The following AKAP3 variants were observed in gnomAD, a reference collection of about 807,000 sequenced individuals.
The protein encoded by AKAP3 is A-kinase anchor protein 3.
In AKAP3, 27 loss-of-function variants were observed where a neutral mutation model predicts 57.2. That is an observed-to-expected ratio of 0.47 (90% confidence interval 0.35 to 0.65). The LOEUF (loss-of-function observed/expected upper bound fraction) is 0.65. Ranked by LOEUF, AKAP3 falls within the 30% of genes least tolerant of loss-of-function variation. The pLI is 0.01. For synonymous variants in AKAP3, 334 were observed against 392.3 expected, an observed-to-expected ratio of 0.85 and a Z score of 1.76; for missense variants, 959 against 1,040.0, an observed-to-expected ratio of 0.92 and a Z score of 1.07.
intron 3 of AKAP3, among the ~76,000 whole-genome samples, chr12:4,639,253 T>C (rs1945605427): frequency 6.6e-6 from 1 of 152,106 alleles, no homozygotes; most frequent in South Asian, 2.1e-4. Flanking sequence ...AACCTTCTCT[T>C]TGCCCTCTTT....
intron 3 of AKAP3, among the ~76,000 whole-genome samples, chr12:4,641,582 T>C (rs1352247373): frequency 6.6e-6 from 1 of 152,350 alleles, no homozygotes; most frequent in South Asian, 2.1e-4. Flanking sequence ...TTAAACTCTA[T>C]AATGTCCTCT....
chr12:4,633,455 G>A (rs10849110), intron 4 of AKAP3, among the ~76,000 whole-genome samples: 34,012 of 151,768 alleles, frequency 0.22, 4,590 homozygotes, highest in South Asian at 0.42. Flanking sequence ...TCTATCCACA[G>A]GGATTTTGCA....
intron 5 of AKAP3, among the ~76,000 whole-genome samples, chr12:4,619,960 G>C (rs1945326580): frequency 6.6e-6 from 1 of 152,202 alleles, no homozygotes; most frequent in Non-Finnish European, 1.5e-5. Flanking sequence ...TCAAGGAAAG[G>C]CAAATTTATA....
intron 2 of AKAP3, among the ~76,000 whole-genome samples, chr12:4,643,783 T>C (rs1193936424): frequency 6.6e-6 from 1 of 152,248 alleles, no homozygotes; most frequent in Admixed American, 6.5e-5. Context: ...CGTTATATCC[T>C]AGACCATAGC....
intron 4 of AKAP3, chr12:4,635,738 C>T (rs913405731): frequency 2.9e-5 from 21 of 719,278 alleles, no homozygotes; most frequent in Non-Finnish European, 5.2e-5. Flanking sequence ...TGGTGCTAGG[C>T]TACGGTATCA....
intron 2 of AKAP3, among the ~76,000 whole-genome samples, 188 bp downstream of exon 2, chr12:4,644,867 T>C (rs1213405490): frequency 2.6e-5 from 4 of 152,072 alleles, no homozygotes; most frequent in Non-Finnish European, 4.4e-5. Flanking sequence ...TGAGCCGAGA[T>C]TGCAGCACTG....
chr12:4,630,910 A>T (rs1565555083), intron 4 of AKAP3, among the ~76,000 whole-genome samples: 1 of 152,086 alleles, frequency 6.6e-6, no homozygotes, highest in Non-Finnish European at 1.5e-5. Flanking sequence ...TCTTTAACAG[A>T]TATTCATTTT....
In AKAP3 at chr12:4,628,422, G is replaced by A. The variant is rs1305762494; in HGVS notation, c.480C>T (p.Tyr160=). 2.5e-6 allele frequency: 4 copies of A among 1,613,956 alleles called. No individual in the cohort carries two copies. The highest frequency in any genetic ancestry group is 1.3e-5 in the African/African-American group (1 of 74,878). The change falls in exon 5 of 6, where the codon TAC becomes TAT. Residue 160 remains tyrosine (Y), a synonymous_variant. Transcript: ENST00000228850. ...SENKCVYQSL[Y]MGNEPTPTKS... is the part of the protein sequence containing the mutation. ...TGGTGGGTGTGGGTTCATTCCCCAT[G>A]TACAATGACTGATAGACACATTTGT...
intron 1 of AKAP3, among the ~76,000 whole-genome samples, chr12:4,646,845 C>T (rs1043776254): frequency 5.3e-5 from 8 of 151,912 alleles, no homozygotes; most frequent in African/African-American, 1.9e-4. Flanking sequence ...TACAGTGGCA[C>T]GATCTCGGCT....
rs898234026 is a variant in AKAP3 at position 4,615,831 on chromosome 12, C to A, written c.2470G>T (p.Val824Leu). The change falls in exon 6 of 6, where the codon GTG becomes TTG. Residue 824 changes from valine (V) to leucine (L), a missense_variant. Val to Leu is a conservative substitution (Grantham distance 32, BLOSUM62 1). Coordinates refer to ENST00000228850, the MANE Select transcript of AKAP3 (RefSeq NM_001278309.2). The stretch of plus-strand genomic sequence containing the variant: ...TGGCGCTCCTTCTCATAGCGCAGCA[C>A]CGACTGCAGAACCTCGCCCACACTG... ...GCSVGEVLQS[V>L]LRYEKERQLN... 1.2e-5 allele frequency: 19 copies of A among 1,614,246 alleles called. No homozygotes were observed. Among genetic ancestry groups the A allele is most frequent in the Non-Finnish European group, 1.5e-5 (18 of 1,180,046 alleles).
intron 4 of AKAP3, among the ~76,000 whole-genome samples, chr12:4,629,605 T>G (rs896034031): frequency 1.3e-5 from 2 of 152,202 alleles, no homozygotes; most frequent in African/African-American, 4.8e-5. Context: ...GTAACAAACC[T>G]GCACATGTAC....
intron 4 of AKAP3, among the ~76,000 whole-genome samples, chr12:4,636,344 G>GC (rs1466733567): frequency 2.6e-5 from 4 of 152,196 alleles, no homozygotes; most frequent in Admixed American, 6.5e-5. Context: ...GGTGGCCGTG[G>GC]CATCTGCTCT....
rs760554223 is a variant in AKAP3, at chr12:4,625,142, G to A, written c.2406+1354C>T. ...CTGTTTCACGGATTGGAAACCCTGC[G>A]TGGAGACAGAGCTTGCCAACGACCC... On this transcript the variant is annotated intron_variant, in intron 5 of 5. Coordinates refer to ENST00000228850, the MANE Select transcript of AKAP3 (RefSeq NM_001278309.2). This position sits in a 1 kb window ranked among gnomAD's most constrained non-coding sequence, Gnocchi z 5.4. Among the ~76,000 whole-genome samples the A allele has an allele frequency of 5.3e-5, 8 of 152,168 alleles. No individual in the cohort carries two copies. In the South Asian group the frequency reaches 6.2e-4, roughly 12 times the overall value.
chr12:4,628,410 T>C lies in AKAP3; in HGVS notation c.492A>G (p.Glu164=). 6.2e-7 allele frequency: 1 copy of C among 1,614,150 alleles called. No homozygotes were observed. Among genetic ancestry groups the C allele is most frequent in the Non-Finnish European group, 8.5e-7 (1 of 1,180,026 alleles). The change falls in exon 5 of 6, where the codon GAA becomes GAG. Residue 164 remains glutamate (E), a synonymous_variant. Transcript: ENST00000228850. ...CVYQSLYMGN[E]PTPTKSLSKI... is the part of the protein sequence containing the mutation. ...TACTGAGGCTTTTGGTGGGTGTGGG[T>C]TCATTCCCCATGTACAATGACTGAT...
At chr12:4,620,590 A>T (rs895869905) in intron 5 of AKAP3, among the ~76,000 whole-genome samples, 1 of 152,130 alleles carries the variant, frequency 6.6e-6, no homozygotes, top group East Asian at 1.9e-4. Flanking sequence ...AAGTACAGTC[A>T]TACACTGCAT....
In AKAP3 at chr12:4,627,876, G is replaced by A. The variant is rs7972737; in HGVS notation, c.1026C>T (p.His342=). 0.47 allele frequency: 763,911 copies of A among 1,613,846 alleles called. 191,841 individuals carry two copies. The highest frequency in any genetic ancestry group is 0.52 in the Non-Finnish European group (611,886 of 1,179,852). The stretch of plus-strand genomic sequence containing the variant: ...CAGTCATGAGGGTCCCTGTGACGCT[G>A]TGGAGATTCCTCAAGAAGGAGTCGA... ...DLIDSFLRNL[H]SVTGTLMTDT... is the part of the protein sequence containing the mutation. Residue 342 remains histidine (H), a synonymous_variant, in exon 5 of 6, where the codon CAC becomes CAT. Transcript: ENST00000228850.
chr12:4,649,031 T>TTTC lies in AKAP3; in HGVS notation c.-532_-531insGAA. On this transcript the variant is annotated 5_prime_UTR_variant, in exon 1 of 6. Transcript: ENST00000228850. ...TCTACCCGAAACCGTCGTTTCTTGG[T>TTTC]TAGCGCTTGCGCAGACAGGCGAGAA... 7.0e-7 allele frequency: 1 copy of TTTC among 1,422,166 alleles called. No individual in the cohort carries two copies. Among genetic ancestry groups the TTTC allele is most frequent in the Non-Finnish European group, 9.7e-7 (1 of 1,031,928 alleles). The allele number at this position is 1,422,166 out of a possible 1,614,324, so 88.1% of individuals were successfully genotyped here.
chr12:4,618,166 A>G (rs1945307679), intron 5 of AKAP3, among the ~76,000 whole-genome samples: 1 of 152,240 alleles, frequency 6.6e-6, no homozygotes, highest in Non-Finnish European at 1.5e-5. Flanking sequence ...AATGATTAAC[A>G]TATCTAAACA....
chr12:4,634,206 T>C (rs1591531509), intron 4 of AKAP3, among the ~76,000 whole-genome samples: 1 of 152,090 alleles, frequency 6.6e-6, no homozygotes, highest in Non-Finnish European at 1.5e-5. Flanking sequence ...AAAATGAAGG[T>C]TGGAAAACAA....
Sources: allele counts gnomAD v4.1 joint callset (sites outside exome capture counted in the v4.1 genomes callset), GRCh38; gene constraint gnomAD v4.1.1; non-coding constraint Gnocchi (gnomAD v3.1); transcripts MANE v1.5; gene names NCBI Gene and HGNC (gene_info 2026-07-23, HGNC 2026-07-21).